Variants in PAIP1 observed in about 807,000 individuals in gnomAD.
PAIP1 encodes the protein poly(A) binding protein interacting protein 1.
In PAIP1, 16 loss-of-function variants were observed where a neutral mutation model predicts 61.3. The observed-to-expected ratio is 0.26, with a 90% CI of 0.18 to 0.40. The LOEUF (loss-of-function observed/expected upper bound fraction) is 0.40, where lower values mean the gene tolerates loss of function less well. Among genes scored for constraint, PAIP1 ranks in the 10% least tolerant of loss-of-function variants. The probability of loss-of-function intolerance (pLI) is 1.00; values close to 1 mark genes in which losing one functional copy is unlikely to be tolerated. For synonymous variants in PAIP1, 187 were observed against 226.2 expected (o/e 0.83, Z 1.56); for missense variants, 416 against 600.9 (o/e 0.69, Z 3.22).
At position 43,556,878 on chromosome 5, in the gene PAIP1, C is replaced by T; in HGVS notation, c.-32G>A. On this transcript the variant is annotated 5_prime_UTR_variant, in exon 1 of 11. Transcript: ENST00000306846. ...CCTCCTCCGCCTCCTCCTCCAGGGG[C>T]CGCTGCCGCTGCGCTCGCGATAGGA... 1 of 1,367,568 alleles carries T rather than the reference C, an allele frequency of 7.3e-7. No individual in the cohort carries two copies. The highest frequency in any genetic ancestry group is 9.4e-7 in the Non-Finnish European group (1 of 1,064,070). 84.7% of individuals were successfully genotyped at this position (1,367,568 alleles called of 1,614,324 possible).
intron 7 of PAIP1, among the ~76,000 whole-genome samples, 189 bp downstream of exon 7, chr5:43,535,345 A>G (rs188706005): frequency 1.3e-5 from 2 of 152,340 alleles, no homozygotes; most frequent in Admixed American, 1.3e-4. Context: ...AATATCTGAC[A>G]CGTCTATCAC....
intron 3 of PAIP1, among the ~76,000 whole-genome samples, chr5:43,546,950 G>A (rs990509302): frequency 2.1e-5 from 3 of 144,930 alleles, no homozygotes; most frequent in Non-Finnish European, 3.0e-5. Flanking sequence ...GACTGACGCA[G>A]GAGAATCGCT....
At chr5:43,545,789 G>A (rs540112139) in intron 3 of PAIP1, among the ~76,000 whole-genome samples, 17 of 128,036 alleles carry the variant, frequency 1.3e-4, no homozygotes, top group Admixed American at 1.2e-3. Flanking sequence ...TTTTTTTTTT[G>A]ATTCAGAGTT....
chr5:43,531,656 C>CAAAAAAAAAAAAAAAGAAAAAAA (rs1746937697), intron 9 of PAIP1, among the ~76,000 whole-genome samples: 1 of 59,868 alleles, frequency 1.7e-5, no homozygotes, highest in Non-Finnish European at 3.4e-5. Context: ...GACTCTGTCT[C>CAAAAAAAAAAAAAAAGAAAAAAA]AAAAAAAAAA....
At chr5:43,555,358 A>G (rs994484902) in intron 2 of PAIP1, among the ~76,000 whole-genome samples, 5 of 152,234 alleles carry the variant, frequency 3.3e-5, no homozygotes, top group African/African-American at 4.8e-5. Context: ...GCATTTACTC[A>G]TCTGGGTTTA....
intron 2 of PAIP1, among the ~76,000 whole-genome samples, chr5:43,555,033 T>C (rs953261812): frequency 1.3e-5 from 2 of 152,240 alleles, no homozygotes; most frequent in Non-Finnish European, 2.9e-5. Context: ...GAATATATTC[T>C]ATATGACTTT....
At chr5:43,535,838 C>T (rs138464434) in intron 6 of PAIP1, among the ~76,000 whole-genome samples, 198 bp from the exon 7 acceptor site, 341 of 151,376 alleles carry the variant, frequency 2.3e-3, no homozygotes, top group African/African-American at 7.9e-3. Flanking sequence ...GAAACTAAAA[C>T]AAAAAAAACA....
chr5:43,547,037 C>A (rs2111569740), intron 3 of PAIP1, among the ~76,000 whole-genome samples: 1 of 12,020 alleles, frequency 8.3e-5, no homozygotes, highest in Admixed American at 9.8e-4. Flanking sequence ...GGCAAGACTC[C>A]ATATCAAAAA....
At chr5:43,546,547 A>G (rs1747640895) in intron 3 of PAIP1, among the ~76,000 whole-genome samples, 1 of 152,226 alleles carries the variant, frequency 6.6e-6, no homozygotes, top group Non-Finnish European at 1.5e-5. Context: ...CAAATGAAAC[A>G]TTAGGATAGA....
At chr5:43,539,220 C>T (rs576900626) in intron 4 of PAIP1, among the ~76,000 whole-genome samples, 185 bp from the exon 5 acceptor site, 1 of 152,164 alleles carries the variant, frequency 6.6e-6, no homozygotes, top group South Asian at 2.1e-4. Context: ...TCTTTTCATA[C>T]TAAGTCTCCC....
chr5:43,556,867 T>G lies in PAIP1; in HGVS notation c.-21A>C. On this transcript the variant is annotated 5_prime_UTR_variant, in exon 1 of 11. Coordinates refer to ENST00000306846, the MANE Select transcript of PAIP1 (RefSeq NM_006451.5). ...GACATGCTCCTCCTCCTCCGCCTCC[T>G]CCTCCAGGGGCCGCTGCCGCTGCGC... 2 of 1,399,012 alleles carry G rather than the reference T, an allele frequency of 1.4e-6. No homozygotes were observed. Among genetic ancestry groups the G allele is most frequent in the Non-Finnish European group, 9.3e-7 (1 of 1,080,430 alleles). 86.7% of individuals were successfully genotyped at this position (1,399,012 alleles called of 1,614,324 possible). A position where few individuals can be genotyped will look rare whatever the true frequency, so the allele number is the denominator to read the frequency against.
chr5:43,531,669 A>AAAAAAAG (rs1561228189), intron 9 of PAIP1, among the ~76,000 whole-genome samples: 3 of 148,100 alleles, frequency 2.0e-5, no homozygotes, highest in African/African-American at 7.3e-5. Flanking sequence ...AAAAAAAAAA[A>AAAAAAAG]AAAAAAAAGA....
At position 43,526,636 on chromosome 5, in the gene PAIP1, G is replaced by A. The variant is rs1179746993; in HGVS notation, c.*740C>T. The stretch of plus-strand genomic sequence containing the variant: ...TAGTAAAAAAGTCGATGCAACCCAT[G>A]CTACAAAATAAAAGTGAGAAAGCCA... On this transcript the variant is annotated 3_prime_UTR_variant, in exon 11 of 11. Transcript: ENST00000306846. 2.8e-5 allele frequency: 4 copies of A among 140,554 alleles called. No homozygotes were observed. The highest frequency in any genetic ancestry group is 2.0e-4 in the East Asian group (1 of 4,996). The allele number at this position is 140,554 out of a possible 1,614,324, so 8.7% of individuals were successfully genotyped here.
At chr5:43,534,003 A>G (rs1228006173) in intron 8 of PAIP1, among the ~76,000 whole-genome samples, 1 of 152,198 alleles carries the variant, frequency 6.6e-6, no homozygotes, top group Non-Finnish European at 1.5e-5. Context: ...TTGTGGTTCT[A>G]ACGGTGCTGT....
intron 3 of PAIP1, among the ~76,000 whole-genome samples, chr5:43,546,728 G>T (rs929515187): frequency 6.6e-6 from 1 of 151,978 alleles, no homozygotes; most frequent in Non-Finnish European, 1.5e-5. Flanking sequence ...GTTGTCTACT[G>T]TATTTTTCAC....
At chr5:43,550,837 C>CAAAA (rs373730839) in intron 2 of PAIP1, among the ~76,000 whole-genome samples, 4,177 of 49,454 alleles carry the variant, frequency 0.084, 333 homozygotes, top group African/African-American at 0.11. Context: ...AAATATACTA[C>CAAAA]AAAAAAAAAA....
intron 4 of PAIP1, among the ~76,000 whole-genome samples, chr5:43,542,266 C>G (rs951549546): frequency 6.6e-6 from 1 of 151,130 alleles, no homozygotes; most frequent in Admixed American, 6.6e-5. Flanking sequence ...TGCAGGGTGG[C>G]TCATGCCTGT....
intron 1 of PAIP1, chr5:43,556,358 C>T (rs1279664118): frequency 8.1e-6 from 10 of 1,233,788 alleles, no homozygotes; most frequent in South Asian, 8.1e-5. Flanking sequence ...TCCGAGACCG[C>T]GCACCCGGCC....
intron 4 of PAIP1, among the ~76,000 whole-genome samples, chr5:43,539,484 C>T (rs1192229087): frequency 6.9e-6 from 1 of 144,280 alleles, no homozygotes; most frequent in East Asian, 2.2e-4. Flanking sequence ...CACACACACA[C>T]ACAACCTCCA....
Sources: gnomAD v4.1 joint callset for allele counts (sites outside exome capture counted in the v4.1 genomes callset) on GRCh38, gnomAD v4.1.1 for gene constraint, MANE v1.5 for transcripts, NCBI Gene and HGNC (gene_info 2026-07-23, HGNC 2026-07-21) for gene names.